AFF4: variants seen among roughly 807,000 people sequenced by gnomAD.
AFF4 encodes the protein ALF transcription elongation factor 4.
Under a neutral mutation model 124.8 loss-of-function variants are expected in AFF4, and 13 were observed. That is an observed-to-expected ratio of 0.10 (90% confidence interval 0.07 to 0.17). The LOEUF (loss-of-function observed/expected upper bound fraction) is 0.17. AFF4 is among the 10% of genes least tolerant of loss of function. AFF4 has a pLI of 1.00. For missense variants in AFF4, 1,092 were observed against 1,403.8 expected, an observed-to-expected ratio of 0.78 and a Z score of 3.55; for synonymous variants, 477 against 496.1, an observed-to-expected ratio of 0.96 and a Z score of 0.51.
chr5:132,955,569 G>GC (rs1761934799), intron 1 of AFF4, among the ~76,000 whole-genome samples: 1 of 151,896 alleles, frequency 6.6e-6, no homozygotes, highest in African/African-American at 2.4e-5. Context: ...ACGAGGTCAG[G>GC]AGTTCAAGAC....
At chr5:132,953,320 A>G (rs1761885488) in intron 1 of AFF4, among the ~76,000 whole-genome samples, 1 of 152,062 alleles carries the variant, frequency 6.6e-6, no homozygotes, top group Non-Finnish European at 1.5e-5. Flanking sequence ...AGTTCACTGT[A>G]ACCTCAAACT....
chr5:132,907,014 A>G (rs1211147103), intron 5 of AFF4, among the ~76,000 whole-genome samples: 1 of 152,244 alleles, frequency 6.6e-6, no homozygotes, highest in Admixed American at 6.5e-5. Flanking sequence ...TTTACTTGGT[A>G]AATGGCCTAA....
chr5:132,923,754 A>C (rs142560070), intron 5 of AFF4, among the ~76,000 whole-genome samples: 1 of 152,198 alleles, frequency 6.6e-6, no homozygotes, highest in Non-Finnish European at 1.5e-5. Flanking sequence ...AATAAAATAA[A>C]TAAGTAAAAT....
intron 5 of AFF4, among the ~76,000 whole-genome samples, chr5:132,918,822 C>A (rs1581303438): frequency 1.3e-5 from 2 of 151,896 alleles, no homozygotes; most frequent in Admixed American, 1.3e-4. Flanking sequence ...ATCTATAGAT[C>A]CAACACAATC....
At chr5:132,907,624 A>G (rs1036458046) in intron 5 of AFF4, among the ~76,000 whole-genome samples, 10 of 151,446 alleles carry the variant, frequency 6.6e-5, no homozygotes, top group African/African-American at 2.2e-4. Context: ...ATGTGTGCAT[A>G]TGTGTGTGTG....
At chr5:132,932,295 C>T (rs1054323859) in intron 3 of AFF4, 73 bp from the exon 4 acceptor site, 1 of 1,324,078 alleles carries the variant, frequency 7.6e-7, no homozygotes, top group African/African-American at 1.5e-5. Flanking sequence ...GATTTAAAAA[C>T]ATTATTAAAA....
At chr5:132,902,829 C>A (rs138820581) in intron 6 of AFF4, among the ~76,000 whole-genome samples, 2 of 152,140 alleles carry the variant, frequency 1.3e-5, no homozygotes, top group African/African-American at 4.8e-5. Context: ...CACGAACACA[C>A]AAGCACACAC....
In AFF4 at chr5:132,886,422, C is replaced by A. The variant is rs376480638; in HGVS notation, c.3006-19G>T. On this transcript the variant is annotated intron_variant, in intron 17 of 20. Transcript: ENST00000265343. ...TCGCAGGCTAGCCAATGGAAAAGGG[C>A]GGCTTATTTACCAGGACAGCAAACT... is the stretch of plus-strand genomic sequence containing the variant. 6.2e-7 allele frequency: 1 copy of A among 1,610,834 alleles called. No individual in the cohort carries two copies. Among genetic ancestry groups the A allele is most frequent in the Non-Finnish European group, 8.5e-7 (1 of 1,178,072 alleles).
At chr5:132,961,361 T>C (rs1762078591) in intron 1 of AFF4, among the ~76,000 whole-genome samples, 2 of 151,986 alleles carry the variant, frequency 1.3e-5, no homozygotes, top group African/African-American at 4.8e-5. Context: ...GAACTACAGG[T>C]GTGCACCACC....
intron 19 of AFF4, among the ~76,000 whole-genome samples, chr5:132,883,796 G>A (rs192327521): frequency 2.6e-4 from 40 of 152,246 alleles, no homozygotes; most frequent in Non-Finnish European, 3.8e-4. Context: ...ACAAGAGATG[G>A]ACAATAACTG....
At chr5:132,928,941 G>C (rs941109983) in intron 4 of AFF4, among the ~76,000 whole-genome samples, 2 of 152,072 alleles carry the variant, frequency 1.3e-5, no homozygotes, top group Non-Finnish European at 2.9e-5. Flanking sequence ...GTAATAGATT[G>C]CTTCCTACAT....
intron 11 of AFF4, among the ~76,000 whole-genome samples, chr5:132,893,380 T>C (rs1036890237): frequency 6.6e-6 from 1 of 152,122 alleles, no homozygotes; most frequent in African/African-American, 2.4e-5. Context: ...ATTTGGGAGG[T>C]AGTATCTGTG....
chr5:132,963,149 G>A (rs912561428), intron 1 of AFF4, 110 bp downstream of exon 1: 2 of 365,280 alleles, frequency 5.5e-6, no homozygotes, highest in Middle Eastern at 6.9e-4. Flanking sequence ...CAGCCCGGAG[G>A]GTCTCCCCGA....
At position 132,963,298 on chromosome 5, in the gene AFF4, C is replaced by A. The variant is rs1198982846; in HGVS notation, c.-44G>T. ...CCGCTAGGCCCGAACCATCTCCTGG[C>A]TGCGGCAGTGGCGGCGCCGGGCCTG... On this transcript the variant is annotated 5_prime_UTR_variant, in exon 1 of 21. Transcript: ENST00000265343. The A allele has an allele frequency of 1.8e-5, 7 of 395,698 alleles. No homozygotes were observed. The highest frequency in any genetic ancestry group is 3.1e-5 in the Non-Finnish European group (7 of 224,408). The allele number at this position is 395,698 out of a possible 1,614,324, so 24.5% of individuals were successfully genotyped here. A position where few individuals can be genotyped will look rare whatever the true frequency, so the allele number is the denominator to read the frequency against.
intron 4 of AFF4, 171 bp from the exon 5 acceptor site, chr5:132,927,378 G>A: frequency 1.9e-6 from 1 of 521,606 alleles, no homozygotes; most frequent in African/African-American, 2.0e-5. Flanking sequence ...TATGGTGTAG[G>A]TAATAAGAAG....
intron 1 of AFF4, among the ~76,000 whole-genome samples, chr5:132,959,546 G>A (rs942361175): frequency 1.3e-5 from 2 of 151,958 alleles, no homozygotes; most frequent in Non-Finnish European, 2.9e-5. Context: ...TGAATTTGGA[G>A]GTTCTAATAT....
At chr5:132,925,248 G>C (rs911828358) in intron 5 of AFF4, among the ~76,000 whole-genome samples, 2 of 151,666 alleles carry the variant, frequency 1.3e-5, no homozygotes, top group Non-Finnish European at 2.9e-5. Context: ...AGATATAAAA[G>C]GTAAGAGTGA....
intron 11 of AFF4, among the ~76,000 whole-genome samples, chr5:132,895,271 G>A (rs531735087): frequency 6.6e-6 from 1 of 152,278 alleles, no homozygotes; most frequent in South Asian, 2.1e-4. Context: ...TTTAAATAAT[G>A]TGGACAATTT....
At chr5:132,925,364 G>T (rs1761147092) in intron 5 of AFF4, among the ~76,000 whole-genome samples, 1 of 151,680 alleles carries the variant, frequency 6.6e-6, no homozygotes, top group African/African-American at 2.4e-5. Flanking sequence ...AAATAAGAGG[G>T]TATGTTTATG....
Sources: gnomAD v4.1 joint callset for allele counts (sites outside exome capture counted in the v4.1 genomes callset) on GRCh38, gnomAD v4.1.1 for gene constraint, MANE v1.5 for transcripts, NCBI Gene and HGNC (gene_info 2026-07-23, HGNC 2026-07-21) for gene names.